The following ETV7 variants were observed in gnomAD, a reference collection of about 807,000 sequenced individuals.
ETV7 encodes transcription factor ETV7.
ETV7 carries 43 observed loss-of-function variants against 39.1 expected under a neutral mutation model. That is an observed-to-expected ratio of 1.10 (90% CI 0.86 to 1.42). ETV7 has a LOEUF of 1.42. Ranked by LOEUF, ETV7 falls within the 40% of genes most tolerant of loss-of-function variation. The probability of loss-of-function intolerance (pLI) is 0.00; values close to 1 mark genes in which losing one functional copy is unlikely to be tolerated. For missense variants in ETV7, 432 were observed against 442.3 expected, an observed-to-expected ratio of 0.98 and a Z score of 0.21; for synonymous variants, 196 against 176.6, an observed-to-expected ratio of 1.11 and a Z score of -0.87.
chr6:36,354,720 G>A, intron 7 of ETV7: 2 of 694,982 alleles, frequency 2.9e-6, no homozygotes, highest in Non-Finnish European at 5.2e-6. Context: ...TTGGAATTTT[G>A]ATAGGGATTG....
Position 36,387,465 on chromosome 6 carries a change from G to T in ETV7, c.6+71C>A, listed in dbSNP as rs1773970862. Reference sequence around the variant, plus strand: ...CTGATAAAATAGGTTTGGAAATCTAGGTGGTGAGGAAAGGATGCGGGAGCA... The same window carrying T: ...CTGATAAAATAGGTTTGGAAATCTATGTGGTGAGGAAAGGATGCGGGAGCA... On this transcript the variant is annotated intron_variant, in intron 1 of 7. Coordinates refer to ENST00000340181, the MANE Select transcript of ETV7 (RefSeq NM_016135.4). The T allele has an allele frequency of 1.9e-6, 3 of 1,603,686 alleles. No individual in the cohort carries two copies. The Admixed American group carries it at 5.0e-5, about 27-fold the overall frequency.
At chr6:36,361,310 CCT>C (rs1265585401), downstream of ETV7, among the ~76,000 whole-genome samples, 1 of 152,222 alleles carries the variant, frequency 6.6e-6, no homozygotes, top group Non-Finnish European at 1.5e-5. Context: ...CAACAGGCTC[CCT>C]CTGAGCTCAC....
intron 2 of ETV7, among the ~76,000 whole-genome samples, chr6:36,378,283 C>T (rs1773479123): frequency 7.2e-6 from 1 of 139,346 alleles, no homozygotes; most frequent in Non-Finnish European, 1.6e-5. Context: ...GAAAAAAATA[C>T]ATTTGGGTCC....
intron 2 of ETV7, among the ~76,000 whole-genome samples, chr6:36,381,563 C>T (rs1334431737): frequency 6.6e-6 from 1 of 152,162 alleles, no homozygotes; most frequent in Non-Finnish European, 1.5e-5. Context: ...TGCTTCTCTG[C>T]CATGATGACT....
chr6:36,376,585 G>A (rs940997657), intron 2 of ETV7, among the ~76,000 whole-genome samples: 3 of 152,020 alleles, frequency 2.0e-5, no homozygotes, highest in Admixed American at 6.6e-5. Context: ...AAACCATCCT[G>A]GCCAACACGG....
chr6:36,359,855 G>A (rs1232533122), intron 7 of ETV7, among the ~76,000 whole-genome samples: 3 of 152,108 alleles, frequency 2.0e-5, no homozygotes, highest in Non-Finnish European at 2.9e-5. Context: ...GTCCTAGAAG[G>A]GTGGTGTAAC....
intron 7 of ETV7, among the ~76,000 whole-genome samples, chr6:36,357,094 T>C (rs1438364508): frequency 6.6e-6 from 1 of 152,152 alleles, no homozygotes; most frequent in Non-Finnish European, 1.5e-5. Context: ...AAACCTATGT[T>C]TTAATCTACA....
chr6:36,361,876 T>C (rs1772499870), downstream of ETV7, among the ~76,000 whole-genome samples: 1 of 152,236 alleles, frequency 6.6e-6, no homozygotes, highest in South Asian at 2.1e-4. Context: ...TTAAAATTCT[T>C]TGTTGGCTGG....
At position 36,366,436 on chromosome 6, in the gene ETV7, G is replaced by A. The variant is rs1190310212; in HGVS notation, c.*209C>T. ...AGTCCATTCCCCTGTACCTCATTTA[G>A]CCCCAGGATTGCCCTGCCCAAAAGA... is the stretch of plus-strand genomic sequence containing the variant. On this transcript the variant is annotated 3_prime_UTR_variant, in exon 8 of 8. Coordinates refer to ENST00000340181, the MANE Select transcript of ETV7 (RefSeq NM_016135.4). The A allele has an allele frequency of 7.0e-7, 1 of 1,423,136 alleles. No homozygotes were observed. Among genetic ancestry groups the A allele is most frequent in the Non-Finnish European group, 9.2e-7 (1 of 1,091,582 alleles). 88.2% of individuals were successfully genotyped at this position (1,423,136 alleles called of 1,614,324 possible). A position where few individuals can be genotyped will look rare whatever the true frequency, so the allele number is the denominator to read the frequency against.
chr6:36,369,370 T>C (rs1582183942), intron 5 of ETV7, among the ~76,000 whole-genome samples: 2 of 151,550 alleles, frequency 1.3e-5, no homozygotes, highest in South Asian at 2.1e-4. Flanking sequence ...GAGCAGGGAG[T>C]CTGACCGGCT....
At chr6:36,378,282 A>G (rs1285072011) in intron 2 of ETV7, among the ~76,000 whole-genome samples, 1 of 152,032 alleles carries the variant, frequency 6.6e-6, no homozygotes, top group Non-Finnish European at 1.5e-5. Flanking sequence ...GGAAAAAAAT[A>G]CATTTGGGTC....
At position 36,385,414 on chromosome 6, in the gene ETV7, G is replaced by A. The variant is rs149164016; in HGVS notation, c.142+120C>T. On this transcript the variant is annotated intron_variant, in intron 2 of 7. Transcript: ENST00000340181. The stretch of plus-strand genomic sequence containing the variant: ...CCAGGAGCTGGAAGTTGAAGGTGCA[G>A]TGAGCTATGATTACACCACTGCACT... 8.4e-4 allele frequency: 1,040 copies of A among 1,244,422 alleles called. 8 individuals are homozygous for A. The African/African-American group carries it at 0.014, about 16-fold the overall frequency. The allele number at this position is 1,244,422 out of a possible 1,614,324, so 77.1% of individuals were successfully genotyped here.
chr6:36,368,596 G>C (rs1346881156), intron 6 of ETV7, among the ~76,000 whole-genome samples: 2 of 152,166 alleles, frequency 1.3e-5, no homozygotes, highest in African/African-American at 4.8e-5. Flanking sequence ...TGAGACCTGG[G>C]TTTCTGTCCA....
chr6:36,359,463 GAAAAAAGA>G (rs1316844572), intron 7 of ETV7, among the ~76,000 whole-genome samples: 1 of 146,556 alleles, frequency 6.8e-6, no homozygotes, highest in South Asian at 2.1e-4. Context: ...AAAAAAAAAA[GAAAAAAGA>G]AAAAAAGAAA....
At chr6:36,355,155 C>T (rs998001846) in intron 7 of ETV7, among the ~76,000 whole-genome samples, 3 of 152,128 alleles carry the variant, frequency 2.0e-5, no homozygotes, top group African/African-American at 7.2e-5. Context: ...CTGACTAGAA[C>T]CCTGCAATAT....
downstream of ETV7, among the ~76,000 whole-genome samples, chr6:36,363,343 C>A (rs1242968094): frequency 6.6e-6 from 1 of 152,118 alleles, no homozygotes; most frequent in Non-Finnish European, 1.5e-5. Flanking sequence ...AGTGTTACAG[C>A]CCTTAAGGCA....
chr6:36,374,980 A>G (rs1307521147), intron 3 of ETV7, among the ~76,000 whole-genome samples: 1 of 151,942 alleles, frequency 6.6e-6, no homozygotes, highest in East Asian at 1.9e-4. Context: ...GAGGCAGGGG[A>G]ATCGCTTGAA....
chr6:36,373,798 C>T (rs1288455227), intron 3 of ETV7, among the ~76,000 whole-genome samples: 2 of 152,230 alleles, frequency 1.3e-5, no homozygotes, highest in African/African-American at 4.8e-5. Context: ...AGAAAGACAT[C>T]CTTTCCTGCC....
intron 2 of ETV7, 37 bp downstream of exon 2, chr6:36,385,497 T>A: frequency 6.2e-7 from 1 of 1,613,778 alleles, no homozygotes; most frequent in Non-Finnish European, 8.5e-7. Flanking sequence ...AAAAATTTAC[T>A]TTTAAAAACT....
Sources: allele counts gnomAD v4.1 joint callset (sites outside exome capture counted in the v4.1 genomes callset), GRCh38; gene constraint gnomAD v4.1.1; transcripts MANE v1.5; gene names NCBI Gene and HGNC (gene_info 2026-07-23, HGNC 2026-07-21).